Variants in RPTOR observed in about 807,000 individuals in gnomAD.
RPTOR encodes the protein regulatory-associated protein of mTOR.
Under a neutral mutation model 169.9 loss-of-function variants are expected in RPTOR, and 21 were observed. The observed-to-expected ratio is 0.12, with a 90% CI of 0.09 to 0.18. The LOEUF (loss-of-function observed/expected upper bound fraction) is 0.18, where lower values mean the gene tolerates loss of function less well. RPTOR is among the 10% of genes least tolerant of loss of function. RPTOR has a pLI of 1.00. For synonymous variants in RPTOR, 732 were observed against 753.2 expected (o/e 0.97, Z 0.46); for missense variants, 1,133 against 1,855.9 (o/e 0.61, Z 7.16).
chr17:80,572,505 G>GT, intron 1 of RPTOR, among the ~76,000 whole-genome samples: 1 of 152,120 alleles, frequency 6.6e-6, no homozygotes, highest in African/African-American at 2.4e-5. Flanking sequence ...TTTTGAATAT[G>GT]TATTATAAAT....
At chr17:80,837,154 C>G (rs1414758805) in intron 9 of RPTOR, among the ~76,000 whole-genome samples, 1 of 152,062 alleles carries the variant, frequency 6.6e-6, no homozygotes, top group East Asian at 1.9e-4. Context: ...TCAAGAGGGA[C>G]AGTGTGGTCG....
At chr17:80,555,888 G>A (rs1481981810) in intron 1 of RPTOR, among the ~76,000 whole-genome samples, 1 of 152,110 alleles carries the variant, frequency 6.6e-6, no homozygotes, top group African/African-American at 2.4e-5. Flanking sequence ...GGAGAGGGGC[G>A]AGACTGGAGG....
chr17:80,611,640 C>G (rs542160141), intron 1 of RPTOR, among the ~76,000 whole-genome samples: 1 of 152,240 alleles, frequency 6.6e-6, no homozygotes, highest in South Asian at 2.1e-4. Context: ...ATTCACCCGT[C>G]TAACCATAAT....
chr17:80,901,452 G>A (rs1248507690), intron 20 of RPTOR, among the ~76,000 whole-genome samples: 1 of 151,990 alleles, frequency 6.6e-6, no homozygotes, highest in African/African-American at 2.4e-5. Context: ...TGACAGGAAA[G>A]AGTTTCACAA....
chr17:80,841,499 CACA>C, intron 10 of RPTOR, among the ~76,000 whole-genome samples: 1 of 119,866 alleles, frequency 8.3e-6, no homozygotes, highest in African/African-American at 3.3e-5. Context: ...TCACTCTCAC[CACA>C]CGGCAGCTCA....
chr17:80,669,054 A>G (rs1421092311), intron 3 of RPTOR, among the ~76,000 whole-genome samples: 7 of 152,188 alleles, frequency 4.6e-5, no homozygotes, highest in Admixed American at 4.6e-4. Context: ...GCTCGGGGAC[A>G]CGCTTGCCGG....
intron 1 of RPTOR, among the ~76,000 whole-genome samples, chr17:80,620,984 G>A (rs2065349958): frequency 6.6e-6 from 1 of 152,228 alleles, no homozygotes; most frequent in Non-Finnish European, 1.5e-5. Context: ...TTCTTTAAAA[G>A]TATAATGCAG....
intron 7 of RPTOR, 100 bp downstream of exon 7, chr17:80,791,609 G>A: frequency 1.0e-6 from 1 of 1,001,200 alleles, no homozygotes; most frequent in Non-Finnish European, 1.5e-6. Context: ...TATCAACATG[G>A]CATGTTCCCT....
intron 3 of RPTOR, among the ~76,000 whole-genome samples, chr17:80,665,202 G>C (rs1271760061): frequency 1.3e-5 from 2 of 152,052 alleles, no homozygotes; most frequent in Non-Finnish European, 2.9e-5. Flanking sequence ...GTGGTTTGCC[G>C]GTTGTTACAC....
At chr17:80,782,088 C>T (rs1000782134) in intron 6 of RPTOR, among the ~76,000 whole-genome samples, 11 of 152,214 alleles carry the variant, frequency 7.2e-5, no homozygotes, top group African/African-American at 1.7e-4. Context: ...CCCAGGGTAT[C>T]GCTGGCCTGT....
At chr17:80,677,962 G>A (rs972421367) in intron 3 of RPTOR, among the ~76,000 whole-genome samples, 1 of 152,210 alleles carries the variant, frequency 6.6e-6, no homozygotes, top group Non-Finnish European at 1.5e-5. Flanking sequence ...AAATGGTTGT[G>A]TCTTAGGTTC....
At chr17:80,799,362 T>A (rs1377510720) in intron 7 of RPTOR, among the ~76,000 whole-genome samples, 1 of 152,226 alleles carries the variant, frequency 6.6e-6, no homozygotes, top group African/African-American at 2.4e-5. Context: ...TCGGAACAGA[T>A]CGTGTGGATG....
At chr17:80,741,278 G>A (rs2066479654) in intron 5 of RPTOR, among the ~76,000 whole-genome samples, 1 of 152,144 alleles carries the variant, frequency 6.6e-6, no homozygotes, top group Non-Finnish European at 1.5e-5. Context: ...TGGCAGTGTG[G>A]GGGCCTTCCG....
intron 1 of RPTOR, among the ~76,000 whole-genome samples, chr17:80,607,864 T>G (rs1407648578): frequency 6.6e-6 from 1 of 152,158 alleles, no homozygotes; most frequent in African/African-American, 2.4e-5. Context: ...ACATAATTTT[T>G]ATTATAATGC....
At chr17:80,895,612 CGT>C (rs1224320769) in intron 20 of RPTOR, among the ~76,000 whole-genome samples, 1 of 152,248 alleles carries the variant, frequency 6.6e-6, no homozygotes, top group Non-Finnish European at 1.5e-5. Context: ...CGTGGATACA[CGT>C]GAGTGCCTCT....
At chr17:80,962,888 G>A in intron 32 of RPTOR, 40 bp from the exon 33 acceptor site, 10 of 1,611,130 alleles carry the variant, frequency 6.2e-6, no homozygotes, top group Non-Finnish European at 8.5e-6. Flanking sequence ...CATCCTCAAA[G>A]AAGAGGGCAG....
rs1381818095 is a variant in RPTOR at position 80,754,237 on chromosome 17, A to G, written c.830+52A>G. The G allele has an allele frequency of 4.6e-6, 7 of 1,520,540 alleles. No homozygotes were observed. The highest frequency in any genetic ancestry group is 6.2e-6 in the Non-Finnish European group (7 of 1,128,814). The allele number at this position is 1,520,540 out of a possible 1,614,324, so 94.2% of individuals were successfully genotyped here. A position where few individuals can be genotyped will look rare whatever the true frequency, so the allele number is the denominator to read the frequency against. ...GACCCACTCAACTGGGCTCTCCCGC[A>G]GGGACCCCAACCCATGTGGGCCCCA... On this transcript the variant is annotated intron_variant, in intron 6 of 33. Coordinates refer to ENST00000306801, the MANE Select transcript of RPTOR (RefSeq NM_020761.3). This position sits in a 1 kb window ranked among gnomAD's most constrained non-coding sequence, Gnocchi z 4.2.
intron 9 of RPTOR, among the ~76,000 whole-genome samples, chr17:80,827,285 T>G (rs1444886458): frequency 2.6e-5 from 4 of 152,262 alleles, no homozygotes; most frequent in Non-Finnish European, 2.9e-5. Context: ...ACTAGCCATC[T>G]AATCCTGTGT....
In RPTOR at chr17:80,544,853, C is replaced by A. The variant is rs909230544; in HGVS notation, c.-777C>A. ...TGCATTCTGGGTCCTGGCAATATGG[C>A]GTCCTCCTTGATGGGCTGATGAGAT... is the stretch of plus-strand genomic sequence containing the variant. On this transcript the variant is annotated 5_prime_UTR_variant, in exon 1 of 34. Coordinates refer to ENST00000306801, the MANE Select transcript of RPTOR (RefSeq NM_020761.3). 28 of 217,588 alleles carry A rather than the reference C, an allele frequency of 1.3e-4. No individual in the cohort carries two copies. The highest frequency in any genetic ancestry group is 6.1e-4 in the African/African-American group (27 of 44,426). The allele number at this position is 217,588 out of a possible 1,614,324, so 13.5% of individuals were successfully genotyped here.
Sources: allele counts gnomAD v4.1 joint callset (sites outside exome capture counted in the v4.1 genomes callset), GRCh38; gene constraint gnomAD v4.1.1; non-coding constraint Gnocchi (gnomAD v3.1); transcripts MANE v1.5; gene names NCBI Gene and HGNC (gene_info 2026-07-23, HGNC 2026-07-21).